Variants in UBE2E2 observed in about 807,000 individuals in gnomAD.
UBE2E2 encodes ubiquitin-conjugating enzyme E2 E2.
Under a neutral mutation model 24.7 loss-of-function variants are expected in UBE2E2, and 6 were observed. The ratio of observed to expected loss-of-function variants is 0.24; its 90% CI spans 0.13 to 0.48. The LOEUF (loss-of-function observed/expected upper bound fraction) is 0.48, where lower values mean the gene tolerates loss of function less well. UBE2E2 is among the 20% of genes least tolerant of loss of function. The pLI, the probability that UBE2E2 is intolerant of heterozygous loss-of-function variation, is 0.99. For missense variants in UBE2E2, 169 were observed against 245.0 expected, an observed-to-expected ratio of 0.69 and a Z score of 2.07; for synonymous variants, 104 against 83.6, an observed-to-expected ratio of 1.24 and a Z score of -1.33.
At chr3:23,512,005 T>A (rs1694604889) in intron 4 of UBE2E2, among the ~76,000 whole-genome samples, 1 of 152,104 alleles carries the variant, frequency 6.6e-6, no homozygotes, top group Admixed American at 6.5e-5. Flanking sequence ...GAACTAAAAC[T>A]TATATAAGTA....
At chr3:23,533,623 T>TTTA (rs1695180971) in intron 5 of UBE2E2, among the ~76,000 whole-genome samples, 1 of 144,396 alleles carries the variant, frequency 6.9e-6, no homozygotes, top group Admixed American at 6.8e-5. Flanking sequence ...ATTAGTATTT[T>TTTA]TTTTTTTTTT....
At chr3:23,506,434 C>A (rs989609686) in intron 4 of UBE2E2, among the ~76,000 whole-genome samples, 5 of 152,144 alleles carry the variant, frequency 3.3e-5, no homozygotes, top group African/African-American at 1.2e-4. Flanking sequence ...AAAAACCTTA[C>A]ATTCATTCTT....
intron 3 of UBE2E2, among the ~76,000 whole-genome samples, chr3:23,370,709 G>T (rs1355256186): frequency 6.6e-6 from 1 of 152,186 alleles, no homozygotes; most frequent in Non-Finnish European, 1.5e-5. Flanking sequence ...GAGATCATAA[G>T]TTCCACCAGT....
chr3:23,508,106 CTTT>C (rs1482725893), intron 4 of UBE2E2, among the ~76,000 whole-genome samples: 1 of 152,132 alleles, frequency 6.6e-6, no homozygotes, highest in East Asian at 1.9e-4. Flanking sequence ...GTCAGTTTTT[CTTT>C]TTGGTCCGTG....
At chr3:23,576,849 A>G (rs558857607) in intron 5 of UBE2E2, among the ~76,000 whole-genome samples, 113 of 152,152 alleles carry the variant, frequency 7.4e-4, no homozygotes, top group African/African-American at 2.7e-3. Context: ...AAAAGTAAAC[A>G]GACAGCTAAA....
At chr3:23,222,806 T>C (rs1696692126) in intron 3 of UBE2E2, among the ~76,000 whole-genome samples, 1 of 151,442 alleles carries the variant, frequency 6.6e-6, no homozygotes, top group South Asian at 2.1e-4. Context: ...CTGTTCTCCA[T>C]AGTGGCTGTA....
intron 3 of UBE2E2, among the ~76,000 whole-genome samples, chr3:23,486,636 A>G (rs1699379159): frequency 6.6e-6 from 1 of 152,080 alleles, no homozygotes; most frequent in South Asian, 2.1e-4. Flanking sequence ...TATGCAGACA[A>G]CTGGAGGGTG....
chr3:23,379,470 C>A lies in UBE2E2; in HGVS notation c.228-120138C>A, dbSNP rs987608799. ...CCATGTGATCTCATTGTTCAATTCC[C>A]ACCTATGAGTGAGAATATGCGGTGT... is the stretch of plus-strand genomic sequence containing the variant. On this transcript the variant is annotated intron_variant, in intron 3 of 5. Coordinates refer to ENST00000396703, the MANE Select transcript of UBE2E2 (RefSeq NM_152653.4). 2.0e-5 allele frequency among the ~76,000 whole-genome samples: 3 copies of A among 147,502 alleles called. No homozygotes were observed. The Admixed American group carries it at 2.1e-4, about 10-fold the overall frequency.
intron 4 of UBE2E2, among the ~76,000 whole-genome samples, chr3:23,514,104 A>G (rs1217331721): frequency 1.3e-5 from 2 of 152,104 alleles, no homozygotes; most frequent in Non-Finnish European, 2.9e-5. Context: ...AGGCCCTCCT[A>G]GGCCTCCTTT....
rs544902939 is a variant in UBE2E2, at chr3:23,340,104, T to C, written c.227+122792T>C. 8.5e-5 allele frequency among the ~76,000 whole-genome samples: 13 copies of C among 152,222 alleles called. No individual in the cohort carries two copies. In the South Asian group the frequency reaches 2.5e-3, roughly 29 times the overall value. On this transcript the variant is annotated intron_variant, in intron 3 of 5. Transcript: ENST00000396703. ...CAGGACCTACGTAGTTAACCTATAT[T>C]GGAGGTGACATTTTAACCTGTGTCT...
intron 3 of UBE2E2, among the ~76,000 whole-genome samples, chr3:23,289,751 G>A (rs1028103979): frequency 6.6e-6 from 1 of 152,172 alleles, no homozygotes; most frequent in African/African-American, 2.4e-5. Context: ...CAAGTACTTA[G>A]TTGAACTTAA....
At chr3:23,504,851 A>G (rs1180160298) in intron 4 of UBE2E2, among the ~76,000 whole-genome samples, 3 of 150,682 alleles carry the variant, frequency 2.0e-5, no homozygotes, top group Non-Finnish European at 4.4e-5. Context: ...TTTTCCTACC[A>G]AAAACACTTT....
intron 5 of UBE2E2, among the ~76,000 whole-genome samples, chr3:23,552,322 C>T (rs555575260): frequency 6.6e-6 from 1 of 152,264 alleles, no homozygotes; most frequent in Admixed American, 6.5e-5. Context: ...CACTGCACTC[C>T]AGCCTAAGCA....
chr3:23,463,530 G>T (rs1698856662), intron 3 of UBE2E2, among the ~76,000 whole-genome samples: 1 of 152,074 alleles, frequency 6.6e-6, no homozygotes, highest in South Asian at 2.1e-4. Context: ...CATTTAGCCT[G>T]TGGGACCCTC....
chr3:23,340,041 C>T (rs1695337566), intron 3 of UBE2E2, among the ~76,000 whole-genome samples: 1 of 152,130 alleles, frequency 6.6e-6, no homozygotes, highest in African/African-American at 2.4e-5. Flanking sequence ...CCATTTAATA[C>T]ATGGATAAGC....
intron 3 of UBE2E2, among the ~76,000 whole-genome samples, chr3:23,481,997 C>G (rs1488282435): frequency 6.6e-6 from 1 of 152,190 alleles, no homozygotes; most frequent in African/African-American, 2.4e-5. Flanking sequence ...TATTAAATCA[C>G]CAACTCGAGT....
intron 5 of UBE2E2, among the ~76,000 whole-genome samples, chr3:23,557,701 G>A (rs369301369): frequency 2.3e-4 from 35 of 152,300 alleles, no homozygotes; most frequent in East Asian, 1.5e-3. Flanking sequence ...AGACCCTGCT[G>A]TAGTTAATGC....
At chr3:23,557,659 G>A (rs939572280) in intron 5 of UBE2E2, among the ~76,000 whole-genome samples, 2 of 152,086 alleles carry the variant, frequency 1.3e-5, no homozygotes, top group African/African-American at 2.4e-5. Flanking sequence ...ATTTTTTCTC[G>A]TCAACCAACA....
intron 3 of UBE2E2, among the ~76,000 whole-genome samples, chr3:23,405,708 AT>A (rs1697339303): frequency 1.3e-5 from 2 of 152,150 alleles, no homozygotes; most frequent in African/African-American, 2.4e-5. Context: ...TTCTAGTGAG[AT>A]GGCAAGTTCA....
Sources: allele counts gnomAD v4.1 joint callset (sites outside exome capture counted in the v4.1 genomes callset), GRCh38; gene constraint gnomAD v4.1.1; transcripts MANE v1.5; gene names NCBI Gene and HGNC (gene_info 2026-07-23, HGNC 2026-07-21).